MAP3K19: variants seen among roughly 807,000 people sequenced by gnomAD.
MAP3K19 encodes mitogen-activated protein kinase kinase kinase 19, also known as SPS1/STE20-related protein kinase YSK4.
In MAP3K19, 91 loss-of-function variants were observed where a neutral mutation model predicts 114.4. The observed-to-expected ratio is 0.80, with a 90% CI of 0.67 to 0.95. MAP3K19 has a LOEUF of 0.95. Ranked by LOEUF, MAP3K19 falls within the 40% of genes least tolerant of loss-of-function variation. The probability of loss-of-function intolerance (pLI) is 0.00; values close to 1 mark genes in which losing one functional copy is unlikely to be tolerated. For missense variants in MAP3K19, 1,471 were observed against 1,573.2 expected (o/e 0.94, Z 1.10); for synonymous variants, 518 against 530.5 (o/e 0.98, Z 0.32).
intron 11 of MAP3K19, among the ~76,000 whole-genome samples, chr2:134,982,067 T>G (rs1326654483): frequency 6.7e-6 from 1 of 150,060 alleles, no homozygotes; most frequent in Non-Finnish European, 1.5e-5. Context: ...CCTGGCTAAT[T>G]GTGTGTGTGT....
At chr2:135,046,691 TTATC>T (rs1574063766) in intron 1 of MAP3K19, among the ~76,000 whole-genome samples, 4 of 152,260 alleles carry the variant, frequency 2.6e-5, no homozygotes, top group Non-Finnish European at 2.9e-5. Flanking sequence ...CATGCATGGT[TTATC>T]TATTTGTAAA....
chr2:135,017,920 C>T (rs934002406), intron 5 of MAP3K19, among the ~76,000 whole-genome samples: 1 of 152,098 alleles, frequency 6.6e-6, no homozygotes, highest in South Asian at 2.1e-4. Context: ...AATGACAAAA[C>T]GGTACCAATT....
chr2:134,984,042 G>T (rs1684911375), intron 10 of MAP3K19, among the ~76,000 whole-genome samples: 1 of 152,164 alleles, frequency 6.6e-6, no homozygotes, highest in African/African-American at 2.4e-5. Context: ...ACCACATCTT[G>T]CTCTGCATAT....
Position 134,987,088 on chromosome 2 carries a change from G to C in MAP3K19, c.1784C>G (p.Pro595Arg), listed in dbSNP as rs780501460. ...AGTTGATTGCTTCTTTGCTATCTGT[G>C]GCATTTTCTTTTGAAACCTGGGCAA... ...WQLPRFQKKM[P>R]QIAKKQSTHR... Residue 595 changes from proline to arginine, a missense_variant, in exon 10 of 13, where the codon CCA becomes CGA. Transcript: ENST00000392915. 8.7e-6 allele frequency: 14 copies of C among 1,613,110 alleles called. No homozygotes were observed. In the Admixed American group the frequency reaches 2.2e-4, roughly 25 times the overall value.
At chr2:134,993,610 T>C (rs1293221879) in intron 8 of MAP3K19, among the ~76,000 whole-genome samples, 1 of 152,204 alleles carries the variant, frequency 6.6e-6, no homozygotes, top group African/African-American at 2.4e-5. Flanking sequence ...TGAATATAAT[T>C]TATAGTTGGG....
At chr2:135,026,503 CT>C (rs11379095) in intron 3 of MAP3K19, among the ~76,000 whole-genome samples, 1 of 151,014 alleles carries the variant, frequency 6.6e-6, no homozygotes, top group East Asian at 1.9e-4. Context: ...CTCCCTCCTC[CT>C]TTTTTTTTCA....
rs200935437 is a variant in MAP3K19, at chr2:135,033,346, C to T, written c.-283-2846G>A. ...GCAGAGGCGCCCCTCACCTCCCGGACGGGGCAGCTGGCCGGGTGGGGGGCT... is the reference window on the plus strand; with the variant it reads ...GCAGAGGCGCCCCTCACCTCCCGGATGGGGCAGCTGGCCGGGTGGGGGGCT... On this transcript the variant is annotated intron_variant, in intron 2 of 12. Coordinates refer to ENST00000392915, the MANE Select transcript of MAP3K19 (RefSeq NM_025052.5). 1.2e-4 allele frequency among the ~76,000 whole-genome samples: 15 copies of T among 120,014 alleles called. 5 individuals are homozygous for T. The highest frequency in any genetic ancestry group is 5.1e-4 in the African/African-American group (12 of 23,664). The allele number at this position is 120,014 out of a possible 152,430, so 78.7% of individuals were successfully genotyped here.
chr2:134,999,838 C>T lies in MAP3K19; in HGVS notation c.314+99G>A. ...ATTTATTGTGACCTCTACTTTTAAG[C>T]ATTATTATGGATTCAATTACTAATA... On this transcript the variant is annotated intron_variant, in intron 7 of 12. Coordinates refer to ENST00000392915, the MANE Select transcript of MAP3K19 (RefSeq NM_025052.5). The surrounding 1 kb of genome is among the most constrained non-coding windows in gnomAD (Gnocchi z 4.1). 1 of 817,232 alleles carries T rather than the reference C, an allele frequency of 1.2e-6. No individual in the cohort carries two copies. The highest frequency in any genetic ancestry group is 2.5e-5 in the East Asian group (1 of 39,436). 50.6% of individuals were successfully genotyped at this position (817,232 alleles called of 1,614,324 possible).
intron 9 of MAP3K19, among the ~76,000 whole-genome samples, chr2:134,991,157 C>T (rs549264048): frequency 2.6e-5 from 4 of 151,968 alleles, no homozygotes; most frequent in East Asian, 1.9e-4. Context: ...AAAAATTAGC[C>T]GGGCGTGGTG....
chr2:135,005,390 G>A (rs1263287482), intron 6 of MAP3K19, 45 bp downstream of exon 6: 1 of 1,389,294 alleles, frequency 7.2e-7, no homozygotes, highest in Non-Finnish European at 1.0e-6. Flanking sequence ...AAGCCCATAT[G>A]ATAATGTTAT....
chr2:134,998,840 C>T lies in MAP3K19; in HGVS notation c.472G>A (p.Gly158Ser). 1.2e-6 allele frequency: 2 copies of T among 1,614,136 alleles called. No individual in the cohort carries two copies. Among genetic ancestry groups the T allele is most frequent in the East Asian group, 2.2e-5 (1 of 44,880 alleles). Reference protein sequence around the residue: ...SSRELCNVNLGFLLPRSCLEL... With the variant: ...SSRELCNVNLSFLLPRSCLEL... ...AAACAAGATCTTGGTAGCAAAAAGC[C>T]CAAGTTCACATTGCAGAGCTCCCTG... The change falls in exon 8 of 13, where the codon GGC becomes AGC. Residue 158 changes from glycine (G) to serine (S), a missense_variant. Coordinates refer to ENST00000392915, the MANE Select transcript of MAP3K19 (RefSeq NM_025052.5).
rs761771352 is a variant in MAP3K19, at chr2:134,981,241, G to A, written c.3500C>T (p.Thr1167Met). Residue 1167 changes from threonine to methionine, a missense_variant, in exon 12 of 13, where the codon ACG (threonine) becomes ATG (methionine). Coordinates refer to ENST00000392915, the MANE Select transcript of MAP3K19 (RefSeq NM_025052.5). Reference protein sequence around the residue: ...PLPEMVFCKYTKQILQGVAYL... With the variant: ...PLPEMVFCKYMKQILQGVAYL... ...AGCAACACCTTGAAGTATTTGTTTCGTATATTTACAGAACACCATCTCAGG... is the reference window on the plus strand; with the variant it reads ...AGCAACACCTTGAAGTATTTGTTTCATATATTTACAGAACACCATCTCAGG... 65 of 1,614,000 alleles carry A rather than the reference G, an allele frequency of 4.0e-5. No homozygotes were observed. Among genetic ancestry groups the A allele is most frequent in the Admixed American group, 1.5e-4 (9 of 59,992 alleles).
chr2:134,977,384 A>G (rs1322122028), intron 12 of MAP3K19, among the ~76,000 whole-genome samples: 267 of 62,438 alleles, frequency 4.3e-3, no homozygotes, highest in African/African-American at 0.015. Flanking sequence ...TTTTTTTGAG[A>G]TGAAGTCTCG....
intron 6 of MAP3K19, among the ~76,000 whole-genome samples, chr2:135,004,880 G>A (rs1055168329): frequency 1.3e-5 from 2 of 152,108 alleles, no homozygotes; most frequent in African/African-American, 4.8e-5. Context: ...GTGTGGTTCC[G>A]GAAGGGAACC....
intron 12 of MAP3K19, among the ~76,000 whole-genome samples, chr2:134,973,543 A>C (rs996664269): frequency 3.3e-5 from 5 of 152,118 alleles, no homozygotes; most frequent in African/African-American, 1.2e-4. Context: ...AAAGCAGTAT[A>C]TTTTTGGGTC....
intron 3 of MAP3K19, among the ~76,000 whole-genome samples, chr2:135,025,384 T>C (rs1325565200): frequency 3.7e-5 from 5 of 135,302 alleles, no homozygotes; most frequent in East Asian, 2.1e-4. Context: ...TTTCTTTTTT[T>C]TTTTTTTTTT....
intron 12 of MAP3K19, among the ~76,000 whole-genome samples, chr2:134,969,078 G>A (rs554073618): frequency 1.2e-4 from 18 of 152,304 alleles, no homozygotes; most frequent in African/African-American, 2.2e-4. Context: ...CTGAGTGAAC[G>A]AGACTCCGTC....
intron 5 of MAP3K19, among the ~76,000 whole-genome samples, chr2:135,015,258 T>C (rs2105348223): frequency 6.6e-6 from 1 of 152,362 alleles, no homozygotes; most frequent in East Asian, 1.9e-4. Flanking sequence ...TGCAGTGTTA[T>C]CACATTGTTG....
chr2:135,029,319 T>G (rs529929859), intron 3 of MAP3K19, among the ~76,000 whole-genome samples: 1 of 152,188 alleles, frequency 6.6e-6, no homozygotes, highest in East Asian at 1.9e-4. Flanking sequence ...GAGATTGCAG[T>G]GAGCCGAGAT....
Sources: allele counts gnomAD v4.1 joint callset (sites outside exome capture counted in the v4.1 genomes callset), GRCh38; gene constraint gnomAD v4.1.1; non-coding constraint Gnocchi (gnomAD v3.1); transcripts MANE v1.5; gene names NCBI Gene and HGNC (gene_info 2026-07-23, HGNC 2026-07-21).